YAF2: variants seen among roughly 807,000 people sequenced by gnomAD.
The protein encoded by YAF2 is YY1 associated factor 2, also known as YY1-associated factor 2.
A neutral mutation model predicts 20.1 loss-of-function variants in YAF2; 7 were observed. The ratio of observed to expected loss-of-function variants is 0.35; its 90% confidence interval spans 0.20 to 0.65. The LOEUF (loss-of-function observed/expected upper bound fraction) is 0.65. Ranked by LOEUF, YAF2 falls within the 30% of genes least tolerant of loss-of-function variation. YAF2 has a pLI of 0.69. For missense variants in YAF2, 151 were observed against 219.2 expected, an observed-to-expected ratio of 0.69 and a Z score of 1.96; for synonymous variants, 74 against 76.0, an observed-to-expected ratio of 0.97 and a Z score of 0.14.
chr12:42,229,918 T>C (rs2067927324), intron 2 of YAF2, among the ~76,000 whole-genome samples: 1 of 152,210 alleles, frequency 6.6e-6, no homozygotes, highest in Non-Finnish European at 1.5e-5. Context: ...TCTACATACA[T>C]AGAATCAATA....
intron 2 of YAF2, among the ~76,000 whole-genome samples, chr12:42,181,847 T>C (rs1453019029): frequency 6.6e-6 from 1 of 152,170 alleles, no homozygotes; most frequent in Non-Finnish European, 1.5e-5. Context: ...AAAGTATGAA[T>C]GAGAAGCGTA....
intron 2 of YAF2, chr12:42,199,183 G>A (rs901726064): frequency 1.6e-6 from 2 of 1,289,314 alleles, no homozygotes; most frequent in Non-Finnish European, 2.0e-6. Context: ...GCAGAGGCTT[G>A]AGCCAGCAGG....
chr12:42,210,435 C>T (rs2067173374), intron 2 of YAF2: 2 of 1,534,052 alleles, frequency 1.3e-6, no homozygotes, highest in Non-Finnish European at 1.7e-6. Context: ...GAGAATCTTC[C>T]TGATGGGCAT....
chr12:42,224,984 C>T (rs1044288049), intron 2 of YAF2, among the ~76,000 whole-genome samples: 1 of 152,220 alleles, frequency 6.6e-6, no homozygotes, highest in Non-Finnish European at 1.5e-5. Flanking sequence ...CTAATTTACA[C>T]TCCCACCAAC....
chr12:42,168,371 G>A (rs1459505288), intron 2 of YAF2, among the ~76,000 whole-genome samples: 2 of 151,678 alleles, frequency 1.3e-5, no homozygotes, highest in African/African-American at 2.4e-5. Context: ...TAGTAGAAAC[G>A]GGGTTTCACC....
intron 2 of YAF2, among the ~76,000 whole-genome samples, chr12:42,216,011 T>C (rs1048146710): frequency 6.6e-6 from 1 of 152,058 alleles, no homozygotes; most frequent in Admixed American, 6.6e-5. Flanking sequence ...CTTAAATTCT[T>C]GACACCAACA....
intron 2 of YAF2, among the ~76,000 whole-genome samples, chr12:42,191,035 A>G (rs912120801): frequency 1.3e-5 from 2 of 152,182 alleles, no homozygotes; most frequent in East Asian, 1.9e-4. Flanking sequence ...ACAGAATGAT[A>G]TATTTATTAC....
chr12:42,182,230 C>T (rs929515689), intron 2 of YAF2, among the ~76,000 whole-genome samples: 3 of 151,974 alleles, frequency 2.0e-5, no homozygotes, highest in Non-Finnish European at 4.4e-5. Flanking sequence ...ATATGTTTGA[C>T]GAGGAAGCAG....
chr12:42,165,810 C>A (rs113514565), intron 2 of YAF2, among the ~76,000 whole-genome samples: 1 of 144,522 alleles, frequency 6.9e-6, no homozygotes, highest in African/African-American at 2.6e-5. Context: ...GTAACTAACT[C>A]CTCATCAACT....
intron 2 of YAF2, chr12:42,210,829 C>T (rs1412728188): frequency 3.3e-6 from 2 of 605,354 alleles, no homozygotes; most frequent in Non-Finnish European, 5.2e-6. Flanking sequence ...TCAGTGGAAA[C>T]TTCTCACATT....
At chr12:42,164,241 T>C (rs1056120722) in intron 2 of YAF2, among the ~76,000 whole-genome samples, 5 of 152,214 alleles carry the variant, frequency 3.3e-5, no homozygotes, top group Non-Finnish European at 7.3e-5. Context: ...GTATCTTTCA[T>C]AGATAGCCCA....
intron 2 of YAF2, among the ~76,000 whole-genome samples, chr12:42,225,082 G>A (rs1475752374): frequency 6.6e-6 from 1 of 152,206 alleles, no homozygotes. Context: ...AATGGCATGA[G>A]ATACTATCTC....
At chr12:42,227,821 AGC>A (rs2067786126) in intron 2 of YAF2, among the ~76,000 whole-genome samples, 1 of 137,654 alleles carries the variant, frequency 7.3e-6, no homozygotes, top group African/African-American at 2.8e-5. Flanking sequence ...CCGCCTGGCC[AGC>A]CGTGCCGTCC....
At chr12:42,219,129 G>A (rs928361563) in intron 2 of YAF2, among the ~76,000 whole-genome samples, 10 of 152,098 alleles carry the variant, frequency 6.6e-5, no homozygotes, top group African/African-American at 2.4e-4. Context: ...ATATATAATG[G>A]CATAAATGAC....
intron 2 of YAF2, chr12:42,234,751 G>A (rs1293288109): frequency 5.2e-6 from 5 of 968,876 alleles, no homozygotes; most frequent in Non-Finnish European, 6.1e-6. Flanking sequence ...TCTTTGGGAG[G>A]CCAAGGTAGG....
chr12:42,182,150 T>A (rs773426669), intron 2 of YAF2, among the ~76,000 whole-genome samples: 1 of 152,080 alleles, frequency 6.6e-6, no homozygotes, highest in Non-Finnish European at 1.5e-5. Flanking sequence ...TACAAAAGCA[T>A]CATTTATAGT....
chr12:42,216,981 CACATCTATAAT>C (rs2067374747), intron 2 of YAF2, among the ~76,000 whole-genome samples: 2 of 152,194 alleles, frequency 1.3e-5, no homozygotes, highest in African/African-American at 4.8e-5. Flanking sequence ...CTCTCCTAAA[CACATCTATAAT>C]ACATTCATTT....
chr12:42,235,472 T>C (rs1265347661), intron 2 of YAF2: 138 of 1,217,784 alleles, frequency 1.1e-4, no homozygotes, highest in Non-Finnish European at 1.4e-4. Flanking sequence ...GATTCTACCC[T>C]GAATTTCAGA....
chr12:42,170,612 C>A (rs1231033120), intron 2 of YAF2, among the ~76,000 whole-genome samples: 2 of 152,132 alleles, frequency 1.3e-5, no homozygotes, highest in Non-Finnish European at 2.9e-5. Context: ...GAGTTCGAGA[C>A]CTGCCTGGGC....
Sources: gnomAD v4.1 joint callset for allele counts (sites outside exome capture counted in the v4.1 genomes callset) on GRCh38, gnomAD v4.1.1 for gene constraint, MANE v1.5 for transcripts, NCBI Gene and HGNC (gene_info 2026-07-23, HGNC 2026-07-21) for gene names.